Variants in PCDHA1 observed in about 807,000 individuals in gnomAD.
The protein encoded by PCDHA1 is protocadherin alpha-1.
Under a neutral mutation model 61.3 loss-of-function variants are expected in PCDHA1, and 42 were observed. The ratio of observed to expected loss-of-function variants is 0.69; its 90% CI spans 0.54 to 0.89. The LOEUF (loss-of-function observed/expected upper bound fraction) is 0.89. Ranked by LOEUF, PCDHA1 falls within the 40% of genes least tolerant of loss-of-function variation. The pLI, the probability that PCDHA1 is intolerant of heterozygous loss-of-function variation, is 0.00. For missense variants in PCDHA1, 1,256 were observed against 1,235.3 expected (o/e 1.02, Z -0.25); for synonymous variants, 610 against 553.8 (o/e 1.10, Z -1.43).
chr5:140,830,308 G>A, intron 1 of PCDHA1: 1 of 1,613,990 alleles, frequency 6.2e-7, no homozygotes, highest in Non-Finnish European at 8.5e-7. Flanking sequence ...AGCCCACGCT[G>A]GTGTGCTCCA....
chr5:140,999,614 A>G (rs572897182), intron 3 of PCDHA1, among the ~76,000 whole-genome samples: 1 of 152,302 alleles, frequency 6.6e-6, no homozygotes, highest in African/African-American at 2.4e-5. Flanking sequence ...GGACCTTATC[A>G]ACCAGGAAAC....
chr5:140,802,328 C>A, intron 1 of PCDHA1: 1 of 1,614,250 alleles, frequency 6.2e-7, no homozygotes, highest in Non-Finnish European at 8.5e-7. Flanking sequence ...TGTCCGACCG[C>A]GACTCAGGAG....
chr5:140,972,355 G>A (rs1190163389), intron 1 of PCDHA1, among the ~76,000 whole-genome samples: 3 of 150,946 alleles, frequency 2.0e-5, no homozygotes, highest in Admixed American at 2.0e-4. Context: ...TCACTATGTT[G>A]CACATGCTGT....
At chr5:140,939,428 G>A (rs1417323934) in intron 1 of PCDHA1, among the ~76,000 whole-genome samples, 2 of 152,128 alleles carry the variant, frequency 1.3e-5, no homozygotes, top group Admixed American at 6.5e-5. Flanking sequence ...TCTTCCATAA[G>A]CATTTGAAGA....
intron 1 of PCDHA1, among the ~76,000 whole-genome samples, chr5:140,940,808 T>C (rs781904662): frequency 3.3e-5 from 5 of 152,232 alleles, no homozygotes; most frequent in Non-Finnish European, 7.3e-5. Context: ...TGCCAGGATA[T>C]CCTGAGATCT....
intron 1 of PCDHA1, among the ~76,000 whole-genome samples, chr5:140,806,226 A>G (rs1221109802): frequency 6.6e-6 from 1 of 152,188 alleles, no homozygotes; most frequent in African/African-American, 2.4e-5. Flanking sequence ...CAAAATGAAC[A>G]TGCTTGTTTA....
At chr5:140,905,842 T>C (rs2072141061) in intron 1 of PCDHA1, among the ~76,000 whole-genome samples, 1 of 152,148 alleles carries the variant, frequency 6.6e-6, no homozygotes, top group Non-Finnish European at 1.5e-5. Flanking sequence ...GGGGAGTTTA[T>C]TAAGGAGTAT....
chr5:140,805,460 T>C, intron 1 of PCDHA1: 1 of 1,017,676 alleles, frequency 9.8e-7, no homozygotes, highest in Non-Finnish European at 1.2e-6. Flanking sequence ...TTTGTGTGAG[T>C]GTAGTTCTTC....
chr5:141,002,128 C>T (rs1426506599), intron 3 of PCDHA1, among the ~76,000 whole-genome samples: 1 of 152,244 alleles, frequency 6.6e-6, no homozygotes, highest in African/African-American at 2.4e-5. Context: ...ATTTAATAGC[C>T]TTTGCCGGCT....
At chr5:140,965,237 G>A (rs2095882583) in intron 1 of PCDHA1, among the ~76,000 whole-genome samples, 1 of 152,204 alleles carries the variant, frequency 6.6e-6, no homozygotes, top group African/African-American at 2.4e-5. Context: ...AACCTGGGAA[G>A]AGTGAATATT....
chr5:140,892,772 C>G (rs1053940130), intron 1 of PCDHA1, among the ~76,000 whole-genome samples: 1 of 152,144 alleles, frequency 6.6e-6, no homozygotes, highest in African/African-American at 2.4e-5. Context: ...ACTCTTCTAG[C>G]TTCTTGAAAA....
intron 1 of PCDHA1, among the ~76,000 whole-genome samples, chr5:140,937,638 C>T (rs1563161991): frequency 6.7e-6 from 1 of 150,048 alleles, no homozygotes; most frequent in Non-Finnish European, 1.5e-5. Flanking sequence ...AAAGGCAGGG[C>T]ATGGTGGCTC....
intron 3 of PCDHA1, among the ~76,000 whole-genome samples, chr5:141,000,421 ATTTTTTT>A (rs34755515): frequency 5.7e-4 from 16 of 27,976 alleles, no homozygotes; most frequent in Non-Finnish European, 7.4e-4. Flanking sequence ...ATATATATAT[ATTTTTTT>A]TTTTTTTTTT....
At chr5:140,790,460 C>T (rs781955431) in intron 1 of PCDHA1, among the ~76,000 whole-genome samples, 4 of 152,112 alleles carry the variant, frequency 2.6e-5, no homozygotes, top group Non-Finnish European at 5.9e-5. Context: ...TGAGTTGATA[C>T]AGAGTTGTTG....
chr5:140,996,293 A>T (rs1481852263), intron 3 of PCDHA1, among the ~76,000 whole-genome samples: 1 of 152,264 alleles, frequency 6.6e-6, no homozygotes, highest in African/African-American at 2.4e-5. Context: ...CAAGAAGCAC[A>T]GATTGTAACA....
chr5:140,850,009 C>T (rs2150463255), intron 1 of PCDHA1: 11 of 1,596,964 alleles, frequency 6.9e-6, no homozygotes, highest in Non-Finnish European at 9.4e-6. Flanking sequence ...CGCTCGCTGT[C>T]GAGCTACGTG....
At chr5:140,818,061 C>T (rs2150099980) in intron 1 of PCDHA1, among the ~76,000 whole-genome samples, 2 of 152,206 alleles carry the variant, frequency 1.3e-5, no homozygotes, top group African/African-American at 4.8e-5. Context: ...TTTTTAATCT[C>T]GCTTGCAGTT....
intron 1 of PCDHA1, among the ~76,000 whole-genome samples, chr5:140,881,178 G>A (rs924852150): frequency 2.0e-5 from 3 of 152,098 alleles, no homozygotes; most frequent in African/African-American, 7.2e-5. Flanking sequence ...TCTTTTCCTT[G>A]CTAAAGATAT....
intron 1 of PCDHA1, chr5:140,835,529 C>A (rs2150237591): frequency 1.2e-6 from 2 of 1,613,850 alleles, no homozygotes; most frequent in Admixed American, 1.7e-5. Context: ...TTGGAGTCAA[C>A]GGACAGGTTA....
Sources: gnomAD v4.1 joint callset for allele counts (sites outside exome capture counted in the v4.1 genomes callset) on GRCh38, gnomAD v4.1.1 for gene constraint, MANE v1.5 for transcripts, NCBI Gene and HGNC (gene_info 2026-07-23, HGNC 2026-07-21) for gene names.